The following TFG variants were observed in gnomAD, a reference collection of about 807,000 sequenced individuals.
TFG encodes protein TFG.
A neutral mutation model predicts 51.4 loss-of-function variants in TFG; 22 were observed. The observed-to-expected ratio is 0.43, with a 90% CI of 0.31 to 0.61. The LOEUF (loss-of-function observed/expected upper bound fraction) is 0.61, where lower values mean the gene tolerates loss of function less well. Ranked by LOEUF, TFG falls within the 20% of genes least tolerant of loss-of-function variation. The pLI is 0.12. For synonymous variants in TFG, 187 were observed against 165.6 expected, an observed-to-expected ratio of 1.13 and a Z score of -0.99; for missense variants, 419 against 487.7, an observed-to-expected ratio of 0.86 and a Z score of 1.33.
At chr3:100,712,255 A>G (rs1488853660) in intron 1 of TFG, among the ~76,000 whole-genome samples, 1 of 152,202 alleles carries the variant, frequency 6.6e-6, no homozygotes, top group East Asian at 1.9e-4. Context: ...TATTCATATA[A>G]TAGGATTCAT....
chr3:100,744,798 C>G, intron 6 of TFG, 35 bp from the exon 7 acceptor site: 1 of 1,458,848 alleles, frequency 6.9e-7, no homozygotes, highest in Non-Finnish European at 9.6e-7. Context: ...TTAAACATGC[C>G]TTTTTTCCTT....
At chr3:100,733,430 G>C (rs2095097299) in intron 5 of TFG, among the ~76,000 whole-genome samples, 1 of 152,060 alleles carries the variant, frequency 6.6e-6, no homozygotes, top group Non-Finnish European at 1.5e-5. Flanking sequence ...GGTTTTTATA[G>C]TTTCTGTTTT....
In TFG at chr3:100,723,582, G is replaced by A. The variant is rs183892295; in HGVS notation, c.268+3524G>A. 1.9e-3 allele frequency among the ~76,000 whole-genome samples: 293 copies of A among 152,186 alleles called. 1 individual carries two copies. The highest frequency in any genetic ancestry group is 6.7e-3 in the African/African-American group (279 of 41,542). ...AGACTAGACAAATGCAAAGAAAGCT[G>A]GTTATTAACAGAATAGACTTATATA... On this transcript the variant is annotated intron_variant, in intron 3 of 7. Coordinates refer to ENST00000240851, the MANE Select transcript of TFG (RefSeq NM_006070.6).
intron 3 of TFG, 23 bp from the exon 4 acceptor site, chr3:100,728,689 G>A: frequency 1.9e-6 from 3 of 1,553,234 alleles, no homozygotes; most frequent in Non-Finnish European, 2.6e-6. Flanking sequence ...CTAATTTTAA[G>A]CAAATAAATG....
At chr3:100,714,380 A>C (rs2095039744) in intron 2 of TFG, among the ~76,000 whole-genome samples, 1 of 152,108 alleles carries the variant, frequency 6.6e-6, no homozygotes, top group South Asian at 2.1e-4. Flanking sequence ...GTGCGCCTGT[A>C]ATCCCAACTA....
At chr3:100,727,310 T>C (rs1240456256) in intron 3 of TFG, among the ~76,000 whole-genome samples, 1 of 152,080 alleles carries the variant, frequency 6.6e-6, no homozygotes, top group Non-Finnish European at 1.5e-5. Flanking sequence ...AAACCAATAA[T>C]TGATGTAGGT....
At chr3:100,730,132 T>C (rs2149079980) in intron 4 of TFG, among the ~76,000 whole-genome samples, 1 of 152,304 alleles carries the variant, frequency 6.6e-6, no homozygotes, top group Middle Eastern at 3.4e-3. Context: ...TGACACAACA[T>C]TTGCATATAA....
chr3:100,710,515 G>C (rs895186250), intron 1 of TFG, among the ~76,000 whole-genome samples: 12 of 152,222 alleles, frequency 7.9e-5, no homozygotes, highest in Admixed American at 2.6e-4. Context: ...ACTTGGCTTA[G>C]TATTTCTTGA....
At chr3:100,732,148 T>C (rs1482787362) in intron 4 of TFG, among the ~76,000 whole-genome samples, 1 of 152,090 alleles carries the variant, frequency 6.6e-6, no homozygotes, top group Non-Finnish European at 1.5e-5. Flanking sequence ...GAGTGCCCAG[T>C]GGGTATCTGA....
At chr3:100,744,224 TTAAA>T (rs1484925481) in intron 6 of TFG, 1 of 152,244 alleles carries the variant, frequency 6.6e-6, no homozygotes, top group African/African-American at 2.4e-5. Context: ...TCTGCCATTA[TTAAA>T]TAGTGCAATG....
At chr3:100,737,398 G>A (rs1420287008) in intron 6 of TFG, among the ~76,000 whole-genome samples, 1 of 152,164 alleles carries the variant, frequency 6.6e-6, no homozygotes, top group African/African-American at 2.4e-5. Flanking sequence ...TTAAAATAGG[G>A]GATTGAAGGG....
At chr3:100,745,925 T>G (rs2095133699) in intron 7 of TFG, among the ~76,000 whole-genome samples, 1 of 152,216 alleles carries the variant, frequency 6.6e-6, no homozygotes, top group African/African-American at 2.4e-5. Flanking sequence ...CTAAACTATT[T>G]ACTATCTGGC....
chr3:100,730,370 C>G (rs1233862802), intron 4 of TFG, among the ~76,000 whole-genome samples: 3 of 151,874 alleles, frequency 2.0e-5, no homozygotes, highest in African/African-American at 7.3e-5. Flanking sequence ...AGCTTTTTAC[C>G]TATGTTAATG....
At chr3:100,746,388 C>T (rs2095134954) in intron 7 of TFG, among the ~76,000 whole-genome samples, 1 of 152,062 alleles carries the variant, frequency 6.6e-6, no homozygotes, top group African/African-American at 2.4e-5. Flanking sequence ...TGTCAAAGCA[C>T]ATACAGCCAT....
At chr3:100,748,032 A>T in intron 7 of TFG, 117 bp from the exon 8 acceptor site, 1 of 895,974 alleles carries the variant, frequency 1.1e-6, no homozygotes, top group Non-Finnish European at 1.7e-6. Flanking sequence ...TCTGCTTGTT[A>T]CATACATATT....
intron 1 of TFG, among the ~76,000 whole-genome samples, chr3:100,712,480 CAAG>C (rs1399943508): frequency 6.6e-6 from 1 of 152,146 alleles, no homozygotes; most frequent in Non-Finnish European, 1.5e-5. Context: ...TGAAAAGTCT[CAAG>C]AGATCATTTT....
chr3:100,732,498 A>C lies in TFG; in HGVS notation c.416-10A>C. The C allele has an allele frequency of 6.3e-7, 1 of 1,594,480 alleles. No homozygotes were observed. On this transcript the variant is annotated splice_polypyrimidine_tract_variant and intron_variant, in intron 4 of 7. Transcript: ENST00000240851. ...GAAACAAGTTTTTGTTTATTCCTCT[A>C]TTTTTACAGATACTGTGGATGGTAG... is the stretch of plus-strand genomic sequence containing the variant.
At chr3:100,740,289 C>T (rs1024234695) in intron 6 of TFG, among the ~76,000 whole-genome samples, 5 of 152,174 alleles carry the variant, frequency 3.3e-5, no homozygotes, top group Admixed American at 2.6e-4. Context: ...CTCAGCATCT[C>T]TCATGAGGTT....
Position 100,713,780 on chromosome 3 carries a change from C to T in TFG, c.95C>T (p.Thr32Ile), listed in dbSNP as rs2095037552. 1.2e-6 allele frequency: 2 copies of T among 1,607,166 alleles called. No individual in the cohort carries two copies. The highest frequency in any genetic ancestry group is 1.7e-6 in the Non-Finnish European group (2 of 1,174,984). ...ATTCCTATTCATAATGAAGATATTA[C>T]TTATGATGAATTAGTGCTAATGATG... is the stretch of plus-strand genomic sequence containing the variant. ...RRIPIHNEDI[T>I]YDELVLMMQR... The change falls in exon 2 of 8, where the codon ACT becomes ATT. Residue 32 changes from threonine (T) to isoleucine (I), a missense_variant. Thr to Ile is a moderately conservative substitution (Grantham distance 89). Coordinates refer to ENST00000240851, the MANE Select transcript of TFG (RefSeq NM_006070.6).
Sources: gnomAD v4.1 joint callset for allele counts (sites outside exome capture counted in the v4.1 genomes callset) on GRCh38, gnomAD v4.1.1 for gene constraint, MANE v1.5 for transcripts, NCBI Gene and HGNC (gene_info 2026-07-23, HGNC 2026-07-21) for gene names.